Variants in ANKRD36 observed in about 807,000 individuals in gnomAD.
ANKRD36 encodes the protein ankyrin repeat domain 36.
A neutral mutation model predicts 278.1 loss-of-function variants in ANKRD36; 179 were observed. The observed-to-expected ratio is 0.64, with a 90% CI of 0.57 to 0.73. ANKRD36 has a LOEUF of 0.73. Among genes scored for constraint, ANKRD36 ranks in the 30% least tolerant of loss-of-function variants. The pLI is 0.00. For synonymous variants in ANKRD36, 320 were observed against 641.1 expected (o/e 0.50, Z 7.57); for missense variants, 1,159 against 1,956.7 (o/e 0.59, Z 7.69).
intron 6 of ANKRD36, among the ~76,000 whole-genome samples, chr2:97,132,982 A>T (rs1258895795): frequency 1.6e-4 from 25 of 152,090 alleles, no homozygotes; most frequent in Non-Finnish European, 2.6e-4. Flanking sequence ...CAAAAATTCC[A>T]CACTTCCAGA....
intron 52 of ANKRD36, 107 bp from the exon 53 acceptor site, chr2:97,207,704 C>T (rs1251681628): frequency 2.9e-5 from 43 of 1,507,956 alleles, no homozygotes; most frequent in Middle Eastern, 4.7e-4. Flanking sequence ...TCAAAGCCTA[C>T]GCTAATACAG....
At chr2:97,210,383 T>A in intron 56 of ANKRD36, among the ~76,000 whole-genome samples, 1 of 151,814 alleles carries the variant, frequency 6.6e-6, no homozygotes, top group East Asian at 2.0e-4. Context: ...TTTTGGGGTT[T>A]CTGCTGAGTA....
rs1384156985 is a variant in ANKRD36 at position 97,158,142 on chromosome 2, T to G, written c.1296T>G (p.Thr432=). 4.0e-6 allele frequency: 6 copies of G among 1,514,790 alleles called. No homozygotes were observed. Among genetic ancestry groups the G allele is most frequent in the Non-Finnish European group, 5.3e-6 (6 of 1,127,706 alleles). The allele number at this position is 1,514,790 out of a possible 1,614,324, so 93.8% of individuals were successfully genotyped here. A position where few individuals can be genotyped will look rare whatever the true frequency, so the allele number is the denominator to read the frequency against. The change falls in exon 16 of 76, where the codon ACT becomes ACG. Residue 432 remains threonine (T), a synonymous_variant. Transcript: ENST00000420699. ...ISEPYFTNRR[T]ISQQSAENLD... ...AACCATACTTTACGAACAGAAGGAC[T>G]ATTTCTCAACAATCTGCAGAAAATT...
intron 6 of ANKRD36, among the ~76,000 whole-genome samples, chr2:97,130,481 G>C (rs953035414): frequency 6.6e-6 from 1 of 151,040 alleles, no homozygotes; most frequent in Non-Finnish European, 1.5e-5. Flanking sequence ...AACATTAGGA[G>C]ATCTACCTAA....
intron 22 of ANKRD36, among the ~76,000 whole-genome samples, chr2:97,174,436 G>A (rs2053612556): frequency 6.6e-6 from 1 of 151,434 alleles, no homozygotes; most frequent in Non-Finnish European, 1.5e-5. Flanking sequence ...TGTTACCATT[G>A]GGCACCAGAG....
chr2:97,190,520 G>A (rs1203657035), intron 34 of ANKRD36, among the ~76,000 whole-genome samples: 1 of 151,422 alleles, frequency 6.6e-6, no homozygotes, highest in Non-Finnish European at 1.5e-5. Context: ...TGGTAATTGT[G>A]TGCCTTCTCA....
Position 97,196,601 on chromosome 2 carries a change from C to T in ANKRD36, c.2560C>T (p.Gln854Ter). 1 of 1,604,594 alleles carries T rather than the reference C, an allele frequency of 6.2e-7. No homozygotes were observed. The highest frequency in any genetic ancestry group is 8.5e-7 in the Non-Finnish European group (1 of 1,178,704). Residue 854 changes from glutamine to a stop codon, truncating the protein, a stop_gained, in exon 41 of 76, where the codon CAG becomes TAG. Coordinates refer to ENST00000420699, the MANE Select transcript of ANKRD36 (RefSeq NM_001354587.1). LOFTEE classifies it high-confidence loss of function. ...DGEISRKVSS[Q>*]KPPTLKGTSD... is the part of the protein sequence containing the mutation. Reference sequence around the variant, plus strand: ...TCCCTTTTGCTTTTCAGTGTCTTCTCAGAAACCACCAACCTTGAAGGTAAT... The same window carrying T: ...TCCCTTTTGCTTTTCAGTGTCTTCTTAGAAACCACCAACCTTGAAGGTAAT...
At chr2:97,207,327 G>A (rs570363567) in intron 52 of ANKRD36, among the ~76,000 whole-genome samples, 1 of 151,554 alleles carries the variant, frequency 6.6e-6, no homozygotes, top group South Asian at 2.1e-4. Context: ...TGAAGTGTAC[G>A]TTCAACTGAA....
At chr2:97,209,979 A>C in intron 56 of ANKRD36, 107 bp downstream of exon 56, 2 of 1,439,660 alleles carry the variant, frequency 1.4e-6, no homozygotes, top group Non-Finnish European at 1.9e-6. Context: ...ATTCTGATTC[A>C]GCAGTCCTGA....
At chr2:97,144,345 GT>G (rs1209717545) in intron 8 of ANKRD36, among the ~76,000 whole-genome samples, 172 bp from the exon 9 acceptor site, 1 of 152,212 alleles carries the variant, frequency 6.6e-6, no homozygotes, top group Non-Finnish European at 1.5e-5. Context: ...CTATACTTCT[GT>G]TTTCTACAGT....
intron 34 of ANKRD36, among the ~76,000 whole-genome samples, chr2:97,190,060 A>G (rs1278432722): frequency 1.1e-5 from 1 of 87,720 alleles, no homozygotes; most frequent in East Asian, 2.2e-4. Flanking sequence ...TCAAGGAGCT[A>G]CCTCTTGGAT....
chr2:97,180,172 A>C (rs200359853), intron 24 of ANKRD36, among the ~76,000 whole-genome samples: 1 of 151,578 alleles, frequency 6.6e-6, no homozygotes, highest in Non-Finnish European at 1.5e-5. Context: ...CATTGGAGAG[A>C]AGTTCAACAC....
rs1297637712 is a variant in ANKRD36 at position 97,132,646 on chromosome 2, TC to T, written c.799+5515del. Among the ~76,000 whole-genome samples the T allele has an allele frequency of 1.3e-5, 2 of 152,050 alleles. 1 individual carries two copies. Among genetic ancestry groups the T allele is most frequent in the Admixed American group, 1.3e-4 (2 of 15,210 alleles). On this transcript the variant is annotated intron_variant, in intron 6 of 75. Coordinates refer to ENST00000420699, the MANE Select transcript of ANKRD36 (RefSeq NM_001354587.1). ...CATATAATGCCATTATGTCAGAGTT[TC>T]CCAAGACCACCTCTGTGTTTGGCGA...
intron 10 of ANKRD36, among the ~76,000 whole-genome samples, chr2:97,145,923 T>TAA (rs1211744810): frequency 6.6e-6 from 1 of 152,098 alleles, no homozygotes; most frequent in Non-Finnish European, 1.5e-5. Flanking sequence ...ATCTAAAGTG[T>TAA]AATTGTCATT....
chr2:97,125,494 A>G (rs1477723327), intron 5 of ANKRD36, among the ~76,000 whole-genome samples: 3 of 150,206 alleles, frequency 2.0e-5, no homozygotes, highest in Non-Finnish European at 4.4e-5. Flanking sequence ...TTCTCTTTAA[A>G]GCAAATATTA....
At chr2:97,143,114 A>G (rs780938367) in intron 8 of ANKRD36, among the ~76,000 whole-genome samples, 3 of 151,938 alleles carry the variant, frequency 2.0e-5, no homozygotes, top group Non-Finnish European at 4.4e-5. Flanking sequence ...TCTTACTTTA[A>G]TTCTACAGCA....
intron 15 of ANKRD36, among the ~76,000 whole-genome samples, chr2:97,156,927 A>T (rs1306231522): frequency 6.6e-6 from 1 of 151,880 alleles, no homozygotes; most frequent in East Asian, 2.0e-4. Context: ...CAGGTGTGAG[A>T]TGGTATCTCA....
chr2:97,139,473 ATT>A (rs1014904573), intron 6 of ANKRD36, among the ~76,000 whole-genome samples: 1 of 152,014 alleles, frequency 6.6e-6, no homozygotes, highest in African/African-American at 2.4e-5. Context: ...AGTGATATAT[ATT>A]TCAGATCTAT....
intron 44 of ANKRD36, among the ~76,000 whole-genome samples, chr2:97,198,902 G>A (rs1485654469): frequency 6.6e-6 from 1 of 151,800 alleles, no homozygotes; most frequent in Non-Finnish European, 1.5e-5. Flanking sequence ...AGCAGTTCAA[G>A]GCATAAGGGG....
Sources: gnomAD v4.1 joint callset for allele counts (sites outside exome capture counted in the v4.1 genomes callset) on GRCh38, gnomAD v4.1.1 for gene constraint, MANE v1.5 for transcripts, NCBI Gene and HGNC (gene_info 2026-07-23, HGNC 2026-07-21) for gene names.